MAP2K1: variants seen among roughly 807,000 people sequenced by gnomAD.
The protein encoded by MAP2K1 is dual specificity mitogen-activated protein kinase kinase 1.
In MAP2K1, 16 loss-of-function variants were observed where a neutral mutation model predicts 46.3. The observed-to-expected ratio is 0.35, with a 90% CI of 0.23 to 0.52. The LOEUF is 0.52. MAP2K1 is among the 20% of genes least tolerant of loss of function. The pLI is 0.94. For synonymous variants in MAP2K1, 183 were observed against 185.6 expected, an observed-to-expected ratio of 0.99 and a Z score of 0.11; for missense variants, 263 against 497.1, an observed-to-expected ratio of 0.53 and a Z score of 4.48.
rs1362038225 is a variant in MAP2K1, at chr15:66,466,731, C to T, written c.569-15024C>T. ...TGTCAATAGCTCAAAAGAAAAGTTT[C>T]CGTGACTCTGAAAAACAACACAAAG... On this transcript the variant is annotated intron_variant, in intron 5 of 10. Transcript: ENST00000307102. Among the ~76,000 whole-genome samples, 3 of 152,076 alleles carry T rather than the reference C, an allele frequency of 2.0e-5. No homozygotes were observed. In the East Asian group the frequency reaches 5.8e-4, roughly 29 times the overall value.
At chr15:66,444,893 C>T (rs1461892247) in intron 5 of MAP2K1, 186 bp downstream of exon 5, 5 of 605,086 alleles carry the variant, frequency 8.3e-6, no homozygotes, top group Non-Finnish European at 1.5e-5. Context: ...TTTGGTCTTG[C>T]TACACCTATT....
At chr15:66,447,232 C>A (rs575185322) in intron 5 of MAP2K1, among the ~76,000 whole-genome samples, 1 of 151,688 alleles carries the variant, frequency 6.6e-6, no homozygotes, top group African/African-American at 2.4e-5. Context: ...TTTGACGTCC[C>A]CCTTCTCTCC....
At chr15:66,473,977 C>T (rs1892699251) in intron 5 of MAP2K1, among the ~76,000 whole-genome samples, 2 of 152,144 alleles carry the variant, frequency 1.3e-5, no homozygotes, top group African/African-American at 4.8e-5. Flanking sequence ...CCACCATGCC[C>T]GGCCTAAAAA....
chr15:66,468,215 G>A (rs982478944), intron 5 of MAP2K1, among the ~76,000 whole-genome samples: 8 of 152,062 alleles, frequency 5.3e-5, no homozygotes, highest in Admixed American at 1.3e-4. Context: ...ACATAAATAC[G>A]TGGACATATT....
chr15:66,390,938 C>T (rs916316968), intron 1 of MAP2K1, among the ~76,000 whole-genome samples: 2 of 152,162 alleles, frequency 1.3e-5, no homozygotes, highest in Admixed American at 1.3e-4. Context: ...ATCACTCCTC[C>T]TTCCCTAGGT....
At chr15:66,482,853 T>C (rs1377268552) in intron 6 of MAP2K1, among the ~76,000 whole-genome samples, 2 of 151,544 alleles carry the variant, frequency 1.3e-5, no homozygotes, top group Non-Finnish European at 2.9e-5. Context: ...TTGGAGTGAG[T>C]AGGCAGTCTT....
chr15:66,408,481 A>G lies in MAP2K1; in HGVS notation c.80+21054A>G, dbSNP rs142900374. ...TCTGCCTGACAGGCCCCACCCAGAT[A>G]AGCCCAGCTTTCTTCTCCCAAGAGT... On this transcript the variant is annotated intron_variant, in intron 1 of 10. Coordinates refer to ENST00000307102, the MANE Select transcript of MAP2K1 (RefSeq NM_002755.4). Among the ~76,000 whole-genome samples, 41 of 152,290 alleles carry G rather than the reference A, an allele frequency of 2.7e-4. No individual in the cohort carries two copies. In the East Asian group the frequency reaches 7.5e-3, roughly 28 times the overall value.
chr15:66,386,973 G>T lies in MAP2K1; in HGVS notation c.-375G>T, dbSNP rs2093342133. On this transcript the variant is annotated 5_prime_UTR_variant, in exon 1 of 11. Coordinates refer to ENST00000307102, the MANE Select transcript of MAP2K1 (RefSeq NM_002755.4). ...GCACGGCGGCGGCGGCACTTTCCCC[G>T]GCAGGAGCTGGAGCTGGGCTCTGGT... 1.1e-5 allele frequency: 3 copies of T among 265,816 alleles called. No homozygotes were observed. The East Asian group carries it at 1.7e-4, about 15-fold the overall frequency. The allele number at this position is 265,816 out of a possible 1,614,324, so 16.5% of individuals were successfully genotyped here.
intron 5 of MAP2K1, among the ~76,000 whole-genome samples, chr15:66,468,711 T>TC (rs1892530232): frequency 6.6e-6 from 1 of 152,030 alleles, no homozygotes; most frequent in Admixed American, 6.6e-5. Flanking sequence ...GGTGGGCGGA[T>TC]CACGAGGTCA....
At chr15:66,427,419 T>C (rs930371350) in intron 1 of MAP2K1, among the ~76,000 whole-genome samples, 1 of 150,820 alleles carries the variant, frequency 6.6e-6, no homozygotes, top group Non-Finnish European at 1.5e-5. Context: ...ATTAGCCGGG[T>C]GTGGTGGCGG....
At chr15:66,421,089 CACAT>C (rs1399377556) in intron 1 of MAP2K1, among the ~76,000 whole-genome samples, 62 of 57,214 alleles carry the variant, frequency 1.1e-3, no homozygotes, top group African/African-American at 4.7e-3. Flanking sequence ...CACATACACA[CACAT>C]ACACACACAC....
intron 1 of MAP2K1, among the ~76,000 whole-genome samples, chr15:66,395,560 A>C (rs1014295109): frequency 1.1e-3 from 141 of 133,440 alleles, no homozygotes; most frequent in East Asian, 1.5e-3. Context: ...GCCCTCCTCC[A>C]CTTTCTTGCA....
At chr15:66,413,918 T>C (rs1349376966) in intron 1 of MAP2K1, among the ~76,000 whole-genome samples, 1 of 150,320 alleles carries the variant, frequency 6.7e-6, no homozygotes, top group African/African-American at 2.4e-5. Flanking sequence ...CTTCTTTTTT[T>C]TTTTTTTTTC....
chr15:66,427,469 G>A (rs2093462155), intron 1 of MAP2K1, among the ~76,000 whole-genome samples: 1 of 151,836 alleles, frequency 6.6e-6, no homozygotes, highest in Non-Finnish European at 1.5e-5. Context: ...TGAGGCAGGA[G>A]AATTGTGTGA....
intron 1 of MAP2K1, among the ~76,000 whole-genome samples, chr15:66,417,130 C>T (rs1417011265): frequency 6.6e-6 from 1 of 152,166 alleles, no homozygotes; most frequent in African/African-American, 2.4e-5. Flanking sequence ...CATCTTTTTT[C>T]AGAAGACAGA....
At chr15:66,428,200 C>T (rs150256458) in intron 1 of MAP2K1, among the ~76,000 whole-genome samples, 17 of 151,744 alleles carry the variant, frequency 1.1e-4, no homozygotes, top group African/African-American at 4.1e-4. Flanking sequence ...CAGGGCATTA[C>T]TAGCACCCAG....
intron 5 of MAP2K1, among the ~76,000 whole-genome samples, chr15:66,468,301 C>G (rs1355127560): frequency 2.0e-5 from 3 of 151,990 alleles, no homozygotes; most frequent in Non-Finnish European, 4.4e-5. Context: ...CTAAGACTTG[C>G]AAACTCTTGA....
intron 1 of MAP2K1, among the ~76,000 whole-genome samples, chr15:66,404,513 G>A (rs2093391243): frequency 6.6e-6 from 1 of 152,196 alleles, no homozygotes; most frequent in African/African-American, 2.4e-5. Context: ...TGCTGGGTTA[G>A]CCATAAAGGT....
chr15:66,392,672 G>T (rs1480459237), intron 1 of MAP2K1, among the ~76,000 whole-genome samples: 2 of 150,854 alleles, frequency 1.3e-5, no homozygotes, highest in East Asian at 3.9e-4. Context: ...TCCTGCCTCA[G>T]CCTCCTGAGT....
Sources: allele counts gnomAD v4.1 joint callset (sites outside exome capture counted in the v4.1 genomes callset), GRCh38; gene constraint gnomAD v4.1.1; transcripts MANE v1.5; gene names NCBI Gene and HGNC (gene_info 2026-07-23, HGNC 2026-07-21).